EXOC2: variants seen among roughly 807,000 people sequenced by gnomAD.
EXOC2 encodes the protein SEC5-like 1.
A neutral mutation model predicts 131.8 loss-of-function variants in EXOC2; 70 were observed. That is an observed-to-expected ratio of 0.53 (90% confidence interval 0.44 to 0.65). The LOEUF (loss-of-function observed/expected upper bound fraction) is 0.65, where lower values mean the gene tolerates loss of function less well. EXOC2 is among the 30% of genes least tolerant of loss of function. EXOC2 has a pLI of 0.00. For synonymous variants in EXOC2, 411 were observed against 398.4 expected, an observed-to-expected ratio of 1.03 and a Z score of -0.38; for missense variants, 923 against 1,108.6, an observed-to-expected ratio of 0.83 and a Z score of 2.38.
At chr6:502,656 T>G (rs902132071) in intron 23 of EXOC2, among the ~76,000 whole-genome samples, 1 of 151,730 alleles carries the variant, frequency 6.6e-6, no homozygotes, top group African/African-American at 2.4e-5. Context: ...AAGAACCATA[T>G]TTTTGTGGGC....
At chr6:566,590 T>G (rs1757979204) in intron 13 of EXOC2, among the ~76,000 whole-genome samples, 1 of 152,172 alleles carries the variant, frequency 6.6e-6, no homozygotes. Flanking sequence ...ACGTGGTTGG[T>G]GGTATGGGGT....
intron 7 of EXOC2, among the ~76,000 whole-genome samples, chr6:609,171 A>T (rs1307600791): frequency 6.6e-6 from 1 of 152,236 alleles, no homozygotes; most frequent in Non-Finnish European, 1.5e-5. Flanking sequence ...TTGTGAAAAG[A>T]TATTCACATA....
chr6:651,677 A>AAATC (rs1400665501), intron 1 of EXOC2, among the ~76,000 whole-genome samples: 1 of 150,840 alleles, frequency 6.6e-6, no homozygotes, highest in Non-Finnish European at 1.5e-5. Context: ...ATAAATAAAT[A>AAATC]AATAATAAAA....
Position 499,652 on chromosome 6 carries a change from T to A in EXOC2, c.2429A>T (p.His810Leu), listed in dbSNP as rs756269974. 6.2e-7 allele frequency: 1 copy of A among 1,613,712 alleles called. No individual in the cohort carries two copies. Among genetic ancestry groups the A allele is most frequent in the Non-Finnish European group, 8.5e-7 (1 of 1,179,640 alleles). ...CATCTAATGATACTTTACCTCTGCATGCACGGCAATTATATTCACCAGTGC... is the reference window on the plus strand; with the variant it reads ...CATCTAATGATACTTTACCTCTGCAAGCACGGCAATTATATTCACCAGTGC... ...KEALVNIIAV[H>L]AEVFTISKEL... Residue 810 changes from histidine to leucine, a missense_variant, in exon 24 of 28, where the codon CAT becomes CTT. By Grantham distance (99) the His-to-Leu change is moderately conservative (BLOSUM62 -3). Transcript: ENST00000230449.
chr6:492,629 A>G (rs969628365), intron 25 of EXOC2, among the ~76,000 whole-genome samples: 2 of 152,232 alleles, frequency 1.3e-5, no homozygotes, highest in African/African-American at 4.8e-5. Flanking sequence ...ATTACGCTAC[A>G]TGAAAGAAGC....
intron 7 of EXOC2, among the ~76,000 whole-genome samples, chr6:604,628 C>A (rs1237351637): frequency 6.6e-6 from 1 of 152,128 alleles, no homozygotes; most frequent in East Asian, 1.9e-4. Flanking sequence ...GTCTACCCTG[C>A]GGCCACACCT....
chr6:502,313 T>G (rs1308470554), intron 23 of EXOC2, among the ~76,000 whole-genome samples: 2 of 152,226 alleles, frequency 1.3e-5, no homozygotes, highest in South Asian at 4.1e-4. Context: ...AACGATGTGC[T>G]ACGGTGCAAG....
intron 1 of EXOC2, among the ~76,000 whole-genome samples, chr6:651,030 CTTTTTTT>C (rs66636202): frequency 1.5e-5 from 2 of 136,208 alleles, no homozygotes; most frequent in African/African-American, 5.3e-5. Flanking sequence ...GGCATGTGTT[CTTTTTTT>C]TTTTTTTTTG....
intron 1 of EXOC2, among the ~76,000 whole-genome samples, chr6:649,199 T>C (rs1178645352): frequency 6.6e-6 from 1 of 152,182 alleles, no homozygotes; most frequent in African/African-American, 2.4e-5. Flanking sequence ...CACAAACTAA[T>C]TTTATCTTTG....
chr6:587,151 CA>C (rs1385895145), intron 11 of EXOC2, among the ~76,000 whole-genome samples: 1 of 152,008 alleles, frequency 6.6e-6, no homozygotes, highest in African/African-American at 2.4e-5. Context: ...GTATTCCCAG[CA>C]AACTTATAAT....
chr6:504,297 G>A (rs1292860643), intron 23 of EXOC2, among the ~76,000 whole-genome samples: 1 of 152,238 alleles, frequency 6.6e-6, no homozygotes, highest in African/African-American at 2.4e-5. Flanking sequence ...GTGAGGCAGA[G>A]GCCGTCAGAG....
Position 574,434 on chromosome 6 carries a change from T to C in EXOC2, c.1319-1790A>G, listed in dbSNP as rs553792155. 2.6e-5 allele frequency among the ~76,000 whole-genome samples: 4 copies of C among 152,310 alleles called. No individual in the cohort carries two copies. The South Asian group carries it at 8.3e-4, about 32-fold the overall frequency. ...ACTCAGAGTTTTTGCCAACCTCGTA[T>C]CTCATTGTAGTGTTATGCGACCTTT... On this transcript the variant is annotated intron_variant, in intron 12 of 27. Transcript: ENST00000230449.
At chr6:631,826 G>A (rs185103503) in intron 3 of EXOC2, among the ~76,000 whole-genome samples, 102 of 152,044 alleles carry the variant, frequency 6.7e-4, no homozygotes, top group East Asian at 4.4e-3. Flanking sequence ...ACACATGCAC[G>A]TACATGTACA....
At chr6:616,417 C>A (rs1405735607) in intron 6 of EXOC2, among the ~76,000 whole-genome samples, 2 of 151,844 alleles carry the variant, frequency 1.3e-5, no homozygotes, top group East Asian at 2.0e-4. Flanking sequence ...TCCTGGCTAA[C>A]ACGGTGAAAC....
chr6:512,231 C>G (rs1167007427), intron 23 of EXOC2, among the ~76,000 whole-genome samples: 1 of 152,212 alleles, frequency 6.6e-6, no homozygotes, highest in African/African-American at 2.4e-5. Context: ...AGTTGGTCCA[C>G]GAACAATACA....
rs149214201 is a variant in EXOC2 at position 573,131 on chromosome 6, C to T, written c.1319-487G>A. The stretch of plus-strand genomic sequence containing the variant: ...AATGCAGGAAGGAATCCAGTTATCA[C>T]AAGGAAACATTCTAGTGCAATCACA... On this transcript the variant is annotated intron_variant, in intron 12 of 27. Coordinates refer to ENST00000230449, the MANE Select transcript of EXOC2 (RefSeq NM_018303.6). Among the ~76,000 whole-genome samples the T allele has an allele frequency of 3.5e-4, 54 of 152,362 alleles. No homozygotes were observed. The East Asian group carries it at 6.7e-3, about 19-fold the overall frequency.
chr6:547,437 T>G (rs151055069), intron 22 of EXOC2, among the ~76,000 whole-genome samples: 20 of 152,312 alleles, frequency 1.3e-4, no homozygotes, highest in African/African-American at 4.8e-4. Flanking sequence ...GACCCTCATC[T>G]TCAAGTGCGG....
chr6:666,151 C>G (rs1361640998), intron 1 of EXOC2, among the ~76,000 whole-genome samples: 2 of 152,050 alleles, frequency 1.3e-5, no homozygotes, highest in Admixed American at 1.3e-4. Context: ...GTGTGCCAAT[C>G]CGTTAGGTGA....
intron 7 of EXOC2, among the ~76,000 whole-genome samples, chr6:609,516 GA>G (rs1251260831): frequency 6.6e-5 from 10 of 152,184 alleles, no homozygotes; most frequent in African/African-American, 2.4e-4. Flanking sequence ...TAGGACATCA[GA>G]AAAAGGACAG....
Sources: gnomAD v4.1 joint callset for allele counts (sites outside exome capture counted in the v4.1 genomes callset) on GRCh38, gnomAD v4.1.1 for gene constraint, MANE v1.5 for transcripts, NCBI Gene and HGNC (gene_info 2026-07-23, HGNC 2026-07-21) for gene names.